The following HMCN1 variants were observed in gnomAD, a reference collection of about 807,000 sequenced individuals.
The protein encoded by HMCN1 is hemicentin 1.
Under a neutral mutation model 625.9 loss-of-function variants are expected in HMCN1, and 321 were observed. That is an observed-to-expected ratio of 0.51 (90% CI 0.47 to 0.56). The LOEUF is 0.56. Ranked by LOEUF, HMCN1 falls within the 20% of genes least tolerant of loss-of-function variation. The pLI, the probability that HMCN1 is intolerant of heterozygous loss-of-function variation, is 0.00. For synonymous variants in HMCN1, 2,425 were observed against 2,417.6 expected (o/e 1.00, Z -0.09); for missense variants, 6,588 against 6,887.3 (o/e 0.96, Z 1.54).
chr1:185,850,064 A>C (rs535272301), intron 2 of HMCN1, among the ~76,000 whole-genome samples: 2 of 152,210 alleles, frequency 1.3e-5, no homozygotes, highest in South Asian at 4.1e-4. Context: ...ATGTACCCTT[A>C]TTGCACTGAG....
chr1:185,845,810 A>G (rs978820125), intron 1 of HMCN1, among the ~76,000 whole-genome samples: 1 of 152,154 alleles, frequency 6.6e-6, no homozygotes, highest in African/African-American at 2.4e-5. Context: ...TGCATTTCTT[A>G]TGGTTAAAAA....
chr1:185,885,085 G>GT (rs75514680), intron 4 of HMCN1, among the ~76,000 whole-genome samples: 9,567 of 146,114 alleles, frequency 0.065, 1,021 homozygotes, highest in African/African-American at 0.23. Flanking sequence ...TTCATTTTAT[G>GT]TTTTTTTTTT....
At chr1:185,982,506 T>G in intron 18 of HMCN1, 117 bp downstream of exon 18, 1 of 963,088 alleles carries the variant, frequency 1.0e-6, no homozygotes, top group East Asian at 2.6e-5. Context: ...AGTGGTGGGA[T>G]CTAGGCTCAC....
Position 186,130,104 on chromosome 1 carries a change from G to T in HMCN1, c.13039+4G>T. On this transcript the variant is annotated splice_donor_region_variant and intron_variant, in intron 84 of 106. Transcript: ENST00000271588. ...ATTGGATTTGTTTATGTGAAAGGTA[G>T]GGAAAAGCGCTCCATTTTTAATTTA... 6.2e-7 allele frequency: 1 copy of T among 1,612,952 alleles called. No individual in the cohort carries two copies. The highest frequency in any genetic ancestry group is 1.1e-5 in the South Asian group (1 of 91,062).
chr1:185,930,318 G>A (rs1339891904), intron 10 of HMCN1, among the ~76,000 whole-genome samples: 2 of 152,134 alleles, frequency 1.3e-5, no homozygotes, highest in African/African-American at 4.8e-5. Flanking sequence ...TTGAAAGAGA[G>A]GACATTTTTT....
intron 81 of HMCN1, among the ~76,000 whole-genome samples, chr1:186,124,735 C>A (rs189813089): frequency 2.3e-4 from 35 of 152,000 alleles, no homozygotes; most frequent in African/African-American, 8.4e-4. Context: ...TTTATTTTTG[C>A]TAAGGCCAAC....
At chr1:185,938,616 G>C (rs936517461) in intron 11 of HMCN1, among the ~76,000 whole-genome samples, 1 of 152,004 alleles carries the variant, frequency 6.6e-6, no homozygotes, top group Non-Finnish European at 1.5e-5. Flanking sequence ...TTGGACTCTT[G>C]CCAAGACCAC....
rs1427195627 is a variant in HMCN1, at chr1:186,052,935, T to G, written c.6578-17T>G. On this transcript the variant is annotated splice_polypyrimidine_tract_variant and intron_variant, in intron 42 of 106. Coordinates refer to ENST00000271588, the MANE Select transcript of HMCN1 (RefSeq NM_031935.3). Reference sequence around the variant, plus strand: ...ATATGAAATGAGTGGAAAAATCATATTTTTATTTTTTTCTAGTCCCCCCAA... The same window carrying G: ...ATATGAAATGAGTGGAAAAATCATAGTTTTATTTTTTTCTAGTCCCCCCAA... 1 of 1,587,892 alleles carries G rather than the reference T, an allele frequency of 6.3e-7. No homozygotes were observed. The highest frequency in any genetic ancestry group is 8.6e-7 in the Non-Finnish European group (1 of 1,157,074).
intron 15 of HMCN1, among the ~76,000 whole-genome samples, chr1:185,973,883 C>T (rs183769345): frequency 1.0e-3 from 159 of 152,148 alleles, no homozygotes; most frequent in African/African-American, 3.6e-3. Flanking sequence ...TCATGCTTTG[C>T]GGTTTGGTGG....
chr1:185,842,143 G>A (rs140506876), intron 1 of HMCN1, among the ~76,000 whole-genome samples: 4 of 152,010 alleles, frequency 2.6e-5, no homozygotes, highest in Non-Finnish European at 5.9e-5. Context: ...CTATAGTTGT[G>A]TATCTACACT....
At chr1:186,071,196 AG>A (rs1224237765) in intron 52 of HMCN1, among the ~76,000 whole-genome samples, 1 of 152,160 alleles carries the variant, frequency 6.6e-6, no homozygotes, top group Non-Finnish European at 1.5e-5. Flanking sequence ...TTAGAATGAC[AG>A]GTATAACATG....
intron 1 of HMCN1, among the ~76,000 whole-genome samples, chr1:185,781,423 C>G (rs1202741617): frequency 6.6e-6 from 1 of 152,088 alleles, no homozygotes; most frequent in Non-Finnish European, 1.5e-5. Context: ...TTGTCTAGTT[C>G]TTTTAATTGT....
intron 57 of HMCN1, among the ~76,000 whole-genome samples, chr1:186,085,106 A>G (rs1659392238): frequency 6.6e-6 from 1 of 152,126 alleles, no homozygotes; most frequent in Non-Finnish European, 1.5e-5. Context: ...TTATAAATTC[A>G]TAGTACCAGC....
chr1:185,783,093 A>C (rs1250992483), intron 1 of HMCN1, among the ~76,000 whole-genome samples: 1 of 152,068 alleles, frequency 6.6e-6, no homozygotes, highest in Non-Finnish European at 1.5e-5. Flanking sequence ...CATTTCATTC[A>C]TTTGATCTTC....
chr1:186,111,385 C>G (rs998941675), intron 71 of HMCN1, among the ~76,000 whole-genome samples: 1 of 151,928 alleles, frequency 6.6e-6, no homozygotes, highest in Non-Finnish European at 1.5e-5. Flanking sequence ...TGTGGTGGTT[C>G]GTGCTGTAAT....
At position 186,115,340 on chromosome 1, in the gene HMCN1, G is replaced by C. The variant is rs1661084590; in HGVS notation, c.11487G>C (p.Gly3829=). 2 of 1,613,824 alleles carry C rather than the reference G, an allele frequency of 1.2e-6. No homozygotes were observed. Among genetic ancestry groups the C allele is most frequent in the Non-Finnish European group, 1.7e-6 (2 of 1,179,958 alleles). Residue 3829 remains glycine, a synonymous_variant, in exon 75 of 107, where the codon GGG becomes GGC. Transcript: ENST00000271588. The part of the protein sequence containing the change: ...VQTTLACEAT[G]IPKPSINWRK... ...CTACTCTGGCTTGTGAGGCTACTGG[G>C]ATACCAAAACCATCAATCAATTGGA...
At chr1:185,858,414 A>T (rs916164175) in intron 2 of HMCN1, among the ~76,000 whole-genome samples, 1 of 151,070 alleles carries the variant, frequency 6.6e-6, no homozygotes, top group Non-Finnish European at 1.5e-5. Context: ...CGTTTAAAGG[A>T]TTTATTTTAT....
rs765223486 is a variant in HMCN1 at position 186,189,887 on chromosome 1, C to A, written c.*9C>A. ...CCGCCTATCCATACTAAGGAACTCT[C>A]CAAAGCCTATTCCACATATTTAAAC... On this transcript the variant is annotated 3_prime_UTR_variant, in exon 107 of 107. Transcript: ENST00000271588. The A allele has an allele frequency of 1.2e-6, 2 of 1,613,072 alleles. No individual in the cohort carries two copies. The highest frequency in any genetic ancestry group is 1.1e-5 in the South Asian group (1 of 91,046).
At chr1:186,016,345 T>C in intron 32 of HMCN1, 106 bp downstream of exon 32, 1 of 1,091,332 alleles carries the variant, frequency 9.2e-7, no homozygotes. Flanking sequence ...TAAAAGAAGG[T>C]ATAGTCCTCT....
Sources: gnomAD v4.1 joint callset for allele counts (sites outside exome capture counted in the v4.1 genomes callset) on GRCh38, gnomAD v4.1.1 for gene constraint, MANE v1.5 for transcripts, NCBI Gene and HGNC (gene_info 2026-07-23, HGNC 2026-07-21) for gene names.